MYO16: variants seen among roughly 807,000 people sequenced by gnomAD.
MYO16 encodes myosin XVI.
A neutral mutation model predicts 205.3 loss-of-function variants in MYO16; 94 were observed. The observed-to-expected ratio is 0.46, with a 90% confidence interval of 0.39 to 0.54. The LOEUF is 0.54. MYO16 is among the 20% of genes least tolerant of loss of function. The probability of loss-of-function intolerance (pLI) is 0.00; values close to 1 mark genes in which losing one functional copy is unlikely to be tolerated. For synonymous variants in MYO16, 988 were observed against 954.0 expected (o/e 1.04, Z -0.66); for missense variants, 2,315 against 2,387.5 (o/e 0.97, Z 0.63).
In MYO16 at chr13:108,761,404, A is replaced by G. The variant is rs561905751; in HGVS notation, c.508-24231A>G. ...AGCTCTCTTACAAAGATGGTGTGCCATAAAATGCAGATAAAAGCTGAGAAA... is the reference window on the plus strand; with the variant it reads ...AGCTCTCTTACAAAGATGGTGTGCCGTAAAATGCAGATAAAAGCTGAGAAA... On this transcript the variant is annotated intron_variant, in intron 4 of 34. Transcript: ENST00000457511. Among the ~76,000 whole-genome samples the G allele has an allele frequency of 2.0e-5, 3 of 152,346 alleles. No individual in the cohort carries two copies. The South Asian group carries it at 6.2e-4, about 32-fold the overall frequency.
intron 12 of MYO16, among the ~76,000 whole-genome samples, chr13:108,868,334 A>G (rs1878830479): frequency 6.6e-6 from 1 of 152,190 alleles, no homozygotes; most frequent in Admixed American, 6.5e-5. Context: ...CTGGGTATAT[A>G]TAGTGGAATC....
At chr13:109,155,726 A>G (rs919151006) in intron 32 of MYO16, among the ~76,000 whole-genome samples, 3 of 152,180 alleles carry the variant, frequency 2.0e-5, no homozygotes, top group African/African-American at 7.2e-5. Flanking sequence ...TCAAAAGGCA[A>G]TTAGAATTGT....
At chr13:108,825,420 TA>T (rs1313709030) in intron 9 of MYO16, among the ~76,000 whole-genome samples, 24 of 150,078 alleles carry the variant, frequency 1.6e-4, no homozygotes, top group Admixed American at 1.6e-3. Context: ...TACCAAAAAA[TA>T]AAAAAAAGAA....
chr13:108,743,205 G>C (rs1285600924), intron 4 of MYO16, among the ~76,000 whole-genome samples: 1 of 151,876 alleles, frequency 6.6e-6, no homozygotes, highest in Non-Finnish European at 1.5e-5. Context: ...TAGGAAAATG[G>C]TCACCAATGT....
At chr13:108,844,287 C>T (rs559862891) in intron 9 of MYO16, 56 bp from the exon 10 acceptor site, 58 of 1,463,550 alleles carry the variant, frequency 4.0e-5, no homozygotes, top group Middle Eastern at 3.6e-4. Context: ...TGGTAATTTT[C>T]GATTGATAAA....
chr13:108,710,250 A>G (rs1267057427), intron 2 of MYO16, among the ~76,000 whole-genome samples: 2 of 152,212 alleles, frequency 1.3e-5, no homozygotes, highest in African/African-American at 4.8e-5. Flanking sequence ...ACGAACTTAC[A>G]ATGCAGTAGA....
the MYO16 span, among the ~76,000 whole-genome samples, chr13:108,500,523 C>T: frequency 6.6e-6 from 1 of 151,990 alleles, no homozygotes; most frequent in East Asian, 1.9e-4. Context: ...CCACCACGCC[C>T]GGACTTGATT....
intron 17 of MYO16, among the ~76,000 whole-genome samples, chr13:108,958,367 A>G (rs183327909): frequency 2.6e-5 from 4 of 151,926 alleles, no homozygotes; most frequent in African/African-American, 9.6e-5. Context: ...TCACTTGAAA[A>G]TTAACATAAT....
intron 27 of MYO16, among the ~76,000 whole-genome samples, chr13:109,077,752 A>T (rs1331345641): frequency 6.6e-6 from 1 of 152,192 alleles, no homozygotes; most frequent in Non-Finnish European, 1.5e-5. Context: ...TGTTTGAGTA[A>T]GCACTTTGGT....
intron 16 of MYO16, among the ~76,000 whole-genome samples, chr13:108,930,479 T>G (rs1025254103): frequency 6.6e-6 from 1 of 152,162 alleles, no homozygotes; most frequent in Non-Finnish European, 1.5e-5. Flanking sequence ...TCATAGGAAA[T>G]TTAAGTCTTA....
chr13:108,890,803 C>T (rs1469249741), intron 14 of MYO16, among the ~76,000 whole-genome samples: 1 of 152,164 alleles, frequency 6.6e-6, no homozygotes, highest in African/African-American at 2.4e-5. Context: ...ATCAGCATGG[C>T]CTGGCATTCT....
At chr13:108,738,167 C>T (rs148024490) in intron 4 of MYO16, among the ~76,000 whole-genome samples, 5,415 of 103,350 alleles carry the variant, frequency 0.052, 298 homozygotes, top group African/African-American at 0.17. Context: ...TTATCTCTTG[C>T]GTTCTGCTAG....
chr13:108,963,193 G>T (rs565107318), intron 19 of MYO16, among the ~76,000 whole-genome samples: 73 of 152,140 alleles, frequency 4.8e-4, no homozygotes, highest in Non-Finnish European at 9.6e-4. Context: ...CCTCTTTATT[G>T]TGATTGTGAG....
At position 108,860,854 on chromosome 13, in the gene MYO16, C is replaced by T. The variant is rs191291923; in HGVS notation, c.1359+5301C>T. The stretch of plus-strand genomic sequence containing the variant: ...AACTATAAAAACCCAGGAAGACAAC[C>T]TAGGCAGTACCATTCTGGACATCTT... On this transcript the variant is annotated intron_variant, in intron 11 of 34. Transcript: ENST00000457511. Among the ~76,000 whole-genome samples, 39 of 152,222 alleles carry T rather than the reference C, an allele frequency of 2.6e-4. 1 individual carries two copies. The East Asian group carries it at 3.9e-3, about 15-fold the overall frequency.
intron 34 of MYO16, among the ~76,000 whole-genome samples, chr13:109,181,824 T>A (rs570502976): frequency 2.0e-5 from 3 of 148,426 alleles, no homozygotes; most frequent in African/African-American, 5.0e-5. Flanking sequence ...TTATTTTATT[T>A]TATTTTTTTT....
chr13:108,602,093 G>A (rs1444099649), intron 1 of MYO16, among the ~76,000 whole-genome samples: 6 of 102,332 alleles, frequency 5.9e-5, no homozygotes, highest in Non-Finnish European at 1.1e-4. Flanking sequence ...GTTATGTGAG[G>A]ATATGATGAA....
At chr13:109,155,762 G>A (rs539265389) in intron 32 of MYO16, among the ~76,000 whole-genome samples, 18 of 152,332 alleles carry the variant, frequency 1.2e-4, no homozygotes, top group Admixed American at 3.3e-4. Flanking sequence ...CATAATTGCA[G>A]TGTGTCACCT....
chr13:109,146,024 G>T (rs1018692441), intron 32 of MYO16, among the ~76,000 whole-genome samples: 2 of 152,196 alleles, frequency 1.3e-5, no homozygotes, highest in African/African-American at 2.4e-5. Flanking sequence ...TACTAAAAAT[G>T]ATGTCAACAA....
intron 15 of MYO16, among the ~76,000 whole-genome samples, chr13:108,903,515 T>G (rs781325160): frequency 1.1e-4 from 16 of 152,178 alleles, no homozygotes; most frequent in Non-Finnish European, 2.2e-4. Context: ...GACTTCAATA[T>G]GTATATGTAT....
Sources: gnomAD v4.1 joint callset for allele counts (sites outside exome capture counted in the v4.1 genomes callset) on GRCh38, gnomAD v4.1.1 for gene constraint, MANE v1.5 for transcripts, NCBI Gene and HGNC (gene_info 2026-07-23, HGNC 2026-07-21) for gene names.